The following PLCB4 variants were observed in gnomAD, a reference collection of about 807,000 sequenced individuals.
PLCB4 encodes the protein 1-phosphatidylinositol 4,5-bisphosphate phosphodiesterase beta-4.
Under a neutral mutation model 178.8 loss-of-function variants are expected in PLCB4, and 77 were observed. The observed-to-expected ratio is 0.43, with a 90% CI of 0.36 to 0.52. PLCB4 has a LOEUF of 0.52. Ranked by LOEUF, PLCB4 falls within the 20% of genes least tolerant of loss-of-function variation. The pLI is 0.00. For missense variants in PLCB4, 1,024 were observed against 1,453.4 expected, an observed-to-expected ratio of 0.70 and a Z score of 4.80; for synonymous variants, 496 against 490.8, an observed-to-expected ratio of 1.01 and a Z score of -0.14.
At chr20:9,435,331 C>G (rs2041695286) in intron 28 of PLCB4, among the ~76,000 whole-genome samples, 1 of 152,194 alleles carries the variant, frequency 6.6e-6, no homozygotes, top group Admixed American at 6.5e-5. Flanking sequence ...AACTTTGTAT[C>G]AGGAAAAACT....
intron 3 of PLCB4, among the ~76,000 whole-genome samples, chr20:9,274,919 A>T (rs1333316625): frequency 6.6e-6 from 1 of 152,048 alleles, no homozygotes; most frequent in Non-Finnish European, 1.5e-5. Context: ...TGTAATTGTC[A>T]TTCAAGTGTA....
chr20:9,242,947 T>C (rs1366676575), intron 3 of PLCB4, among the ~76,000 whole-genome samples: 2 of 152,080 alleles, frequency 1.3e-5, no homozygotes, highest in Non-Finnish European at 2.9e-5. Context: ...TCAAAGCCCA[T>C]CAAAGAAGTG....
intron 28 of PLCB4, among the ~76,000 whole-genome samples, chr20:9,434,076 A>G (rs1012876279): frequency 2.6e-5 from 4 of 152,252 alleles, no homozygotes; most frequent in African/African-American, 9.6e-5. Context: ...CTGTCTACCA[A>G]TAGGAACTGG....
chr20:9,302,409 T>C (rs1356345138), intron 3 of PLCB4, among the ~76,000 whole-genome samples: 1 of 152,154 alleles, frequency 6.6e-6, no homozygotes, highest in Non-Finnish European at 1.5e-5. Context: ...TTCTAGTCTG[T>C]AGGTCATCAT....
Position 9,341,369 on chromosome 20 carries a change from G to A in PLCB4, c.369+2332G>A, listed in dbSNP as rs533179696. ...GCCTACTGTTAACTGAAAGACTTAT[G>A]ATAATATTAACAGTCAATTCACATA... On this transcript the variant is annotated intron_variant, in intron 7 of 39. Transcript: ENST00000378473. Among the ~76,000 whole-genome samples the A allele has an allele frequency of 9.9e-5, 15 of 152,162 alleles. No homozygotes were observed. The East Asian group carries it at 2.9e-3, about 29-fold the overall frequency.
At chr20:9,342,455 C>T (rs1191740453) in intron 7 of PLCB4, among the ~76,000 whole-genome samples, 2 of 152,094 alleles carry the variant, frequency 1.3e-5, no homozygotes, top group Admixed American at 1.3e-4. Flanking sequence ...TTAGCCCATG[C>T]AATGAGAAGG....
chr20:9,297,165 C>A (rs73600228), intron 3 of PLCB4, among the ~76,000 whole-genome samples: 52,596 of 151,552 alleles, frequency 0.35, 9,400 homozygotes, highest in African/African-American at 0.44. Flanking sequence ...GCACCCCCCC[C>A]CACACCATAT....
intron 25 of PLCB4, among the ~76,000 whole-genome samples, chr20:9,415,326 G>A (rs1281371752): frequency 6.6e-6 from 1 of 152,114 alleles, no homozygotes; most frequent in Non-Finnish European, 1.5e-5. Flanking sequence ...GGTAGCTGAA[G>A]CCTCAGAAAG....
At chr20:9,427,756 CT>C (rs1219192398) in intron 28 of PLCB4, among the ~76,000 whole-genome samples, 1 of 152,098 alleles carries the variant, frequency 6.6e-6, no homozygotes, top group African/African-American at 2.4e-5. Context: ...GGTTTTATCA[CT>C]TGTGTTTATT....
intron 2 of PLCB4, among the ~76,000 whole-genome samples, chr20:9,142,024 G>T (rs2092503001): frequency 8.5e-5 from 13 of 152,110 alleles, no homozygotes; most frequent in Admixed American, 8.5e-4. Context: ...GCCACTGAGT[G>T]AGATCCTTGG....
intron 1 of PLCB4, among the ~76,000 whole-genome samples, chr20:9,074,003 T>A (rs369782039): frequency 4.6e-5 from 7 of 152,276 alleles, no homozygotes; most frequent in African/African-American, 1.7e-4. Flanking sequence ...AAATGCTTCC[T>A]CCCAGAGGCA....
intron 32 of PLCB4, among the ~76,000 whole-genome samples, chr20:9,447,912 A>G (rs2042513568): frequency 6.6e-6 from 1 of 152,206 alleles, no homozygotes; most frequent in Non-Finnish European, 1.5e-5. Flanking sequence ...ATCAGGGCAC[A>G]AATATCTTGG....
At chr20:9,106,673 T>A (rs1374849109) in intron 2 of PLCB4, among the ~76,000 whole-genome samples, 1 of 152,164 alleles carries the variant, frequency 6.6e-6, no homozygotes, top group African/African-American at 2.4e-5. Flanking sequence ...CATTTTGCAG[T>A]CTAGCACCAT....
At chr20:9,176,766 A>T (rs2093162338) in intron 2 of PLCB4, among the ~76,000 whole-genome samples, 2 of 152,212 alleles carry the variant, frequency 1.3e-5, no homozygotes, top group South Asian at 4.1e-4. Flanking sequence ...TGTTTACTTT[A>T]GTCATTTGCT....
chr20:9,299,112 G>T (rs1033849109), intron 3 of PLCB4, among the ~76,000 whole-genome samples: 4 of 151,950 alleles, frequency 2.6e-5, no homozygotes, highest in Non-Finnish European at 5.9e-5. Flanking sequence ...ATGTGTGAAG[G>T]CTCCCATTGT....
At chr20:9,154,723 A>G (rs968742413) in intron 2 of PLCB4, among the ~76,000 whole-genome samples, 2 of 147,226 alleles carry the variant, frequency 1.4e-5, no homozygotes, top group Non-Finnish European at 3.0e-5. Context: ...CTCTCCCACA[A>G]CCCTCTCCCT....
At chr20:9,148,520 TC>T (rs2092638266) in intron 2 of PLCB4, among the ~76,000 whole-genome samples, 1 of 152,184 alleles carries the variant, frequency 6.6e-6, no homozygotes, top group African/African-American at 2.4e-5. Context: ...TTTTTTTTTC[TC>T]CTGTCTCTTC....
At chr20:9,407,109 C>A (rs1041099411) in intron 21 of PLCB4, among the ~76,000 whole-genome samples, 1 of 152,174 alleles carries the variant, frequency 6.6e-6, no homozygotes, top group African/African-American at 2.4e-5. Context: ...TAGAGTGCTA[C>A]AGTGAAACAT....
chr20:9,278,733 G>T lies in PLCB4; in HGVS notation c.-15-29067G>T, dbSNP rs1375748603. Reference sequence around the variant, plus strand: ...GCAGATATGAGCGCTGGACTTCCAGGGTCCTCGAAAGTAGCAATCACTGTG... The same window carrying T: ...GCAGATATGAGCGCTGGACTTCCAGTGTCCTCGAAAGTAGCAATCACTGTG... On this transcript the variant is annotated intron_variant, in intron 3 of 39. Coordinates refer to ENST00000378473, the MANE Select transcript of PLCB4 (RefSeq NM_001377142.1). Among the ~76,000 whole-genome samples the T allele has an allele frequency of 3.9e-5, 6 of 152,050 alleles. No individual in the cohort carries two copies. The East Asian group carries it at 9.8e-4, about 25-fold the overall frequency.
Sources: allele counts gnomAD v4.1 joint callset (sites outside exome capture counted in the v4.1 genomes callset), GRCh38; gene constraint gnomAD v4.1.1; transcripts MANE v1.5; gene names NCBI Gene and HGNC (gene_info 2026-07-23, HGNC 2026-07-21).